The following ZNF91 variants were observed in gnomAD, a reference collection of about 807,000 sequenced individuals.
ZNF91 encodes zinc finger protein 91, also known as zinc finger protein 91 (HPF7, HTF10).
A neutral mutation model predicts 12.6 loss-of-function variants in ZNF91; 7 were observed. The ratio of observed to expected loss-of-function variants is 0.55; its 90% confidence interval spans 0.31 to 1.04. The LOEUF is 1.04. ZNF91 is among the 50% of genes least tolerant of loss of function. The probability of loss-of-function intolerance (pLI) is 0.05; values close to 1 mark genes in which losing one functional copy is unlikely to be tolerated. For synonymous variants in ZNF91, 453 were observed against 462.6 expected, an observed-to-expected ratio of 0.98 and a Z score of 0.27; for missense variants, 1,217 against 1,385.4, an observed-to-expected ratio of 0.88 and a Z score of 1.93.
intron 1 of ZNF91, among the ~76,000 whole-genome samples, chr19:23,319,810 T>A (rs1031085869): frequency 3.3e-5 from 5 of 152,206 alleles, no homozygotes; most frequent in African/African-American, 1.2e-4. Flanking sequence ...CATGAGTGAT[T>A]GTGACATATA....
intron 1 of ZNF91, 89 bp downstream of exon 1, chr19:23,395,236 A>G: frequency 4.0e-6 from 6 of 1,513,256 alleles, no homozygotes; most frequent in Non-Finnish European, 5.4e-6. Context: ...AGCTGACTGA[A>G]GGAAGGCCTG....
At chr19:23,350,085 T>C (rs933362144) in intron 3 of ZNF91, among the ~76,000 whole-genome samples, 2 of 152,142 alleles carry the variant, frequency 1.3e-5, no homozygotes, top group African/African-American at 4.8e-5. Flanking sequence ...GAAAACCAAA[T>C]GCGTGCAGCA....
chr19:23,315,611 T>A (rs1235061715), upstream of ZNF91, among the ~76,000 whole-genome samples: 3 of 151,598 alleles, frequency 2.0e-5, no homozygotes, highest in Non-Finnish European at 4.4e-5. Context: ...CAGTGGAAAT[T>A]GTGACATATT....
downstream of ZNF91, among the ~76,000 whole-genome samples, chr19:23,356,764 T>C (rs1460850417): frequency 6.6e-6 from 1 of 151,610 alleles, no homozygotes; most frequent in Admixed American, 6.6e-5. Context: ...TTTTTATAAT[T>C]ACAGACAGGC....
downstream of ZNF91, among the ~76,000 whole-genome samples, chr19:23,357,516 G>A (rs29990): frequency 0.52 from 78,671 of 152,002 alleles, 21,865 homozygotes; most frequent in East Asian, 0.84. Context: ...AAATAGTTTC[G>A]AACTTAAACA....
chr19:23,368,091 G>T (rs949537554), intron 3 of ZNF91, among the ~76,000 whole-genome samples: 2 of 151,852 alleles, frequency 1.3e-5, no homozygotes, highest in Non-Finnish European at 2.9e-5. Flanking sequence ...TGTATTTTTA[G>T]TAGAGACAGG....
intron 2 of ZNF91, 30 bp downstream of exon 2, chr19:23,374,608 T>G (rs750173339): frequency 7.3e-5 from 116 of 1,580,466 alleles, no homozygotes; most frequent in Middle Eastern, 1.7e-4. Context: ...TTAGTTTATA[T>G]TAGAAACTTA....
At chr19:23,373,874 A>G (rs773389392) in intron 2 of ZNF91, 37 bp from the exon 3 acceptor site, 11 of 1,503,240 alleles carry the variant, frequency 7.3e-6, no homozygotes, top group Non-Finnish European at 1.0e-5. Flanking sequence ...AGTCTTGCTC[A>G]TATTCTCCAC....
chr19:23,324,887 C>T (rs1316139058), intron 1 of ZNF91: 1 of 151,882 alleles, frequency 6.6e-6, no homozygotes, highest in Non-Finnish European at 1.5e-5. Flanking sequence ...TAACTATCCG[C>T]CCTTTTCATA....
intron 3 of ZNF91, among the ~76,000 whole-genome samples, chr19:23,352,635 G>C (rs192687359): frequency 7.6e-4 from 115 of 152,152 alleles, no homozygotes; most frequent in Non-Finnish European, 1.4e-3. Context: ...GAATGTAAAT[G>C]GCCTAAATAC....
intron 3 of ZNF91, among the ~76,000 whole-genome samples, chr19:23,341,243 G>GC (rs1356835176): frequency 6.6e-6 from 1 of 151,828 alleles, no homozygotes; most frequent in African/African-American, 2.4e-5. Context: ...TAGAGACGGG[G>GC]TTTCACCATA....
chr19:23,387,074 A>C (rs1392213536), intron 1 of ZNF91, among the ~76,000 whole-genome samples: 1 of 152,222 alleles, frequency 6.6e-6, no homozygotes, highest in Non-Finnish European at 1.5e-5. Flanking sequence ...TAATCATTAG[A>C]GAAATGCCAA....
chr19:23,366,521 A>T (rs1346016342), intron 3 of ZNF91, among the ~76,000 whole-genome samples: 1 of 152,224 alleles, frequency 6.6e-6, no homozygotes, highest in Non-Finnish European at 1.5e-5. Flanking sequence ...ATAATTTATT[A>T]AAAAACCAAG....
chr19:23,337,137 A>T (rs1599698294), downstream of ZNF91, among the ~76,000 whole-genome samples: 5 of 152,130 alleles, frequency 3.3e-5, no homozygotes, highest in South Asian at 1.0e-3. Context: ...ACCCCACCCT[A>T]CCTTCTTACT....
chr19:23,355,454 A>G (rs574772050), downstream of ZNF91, among the ~76,000 whole-genome samples: 4 of 152,342 alleles, frequency 2.6e-5, no homozygotes, highest in South Asian at 8.3e-4. Flanking sequence ...AACCAACTCA[A>G]GATGGATTAA....
intron 1 of ZNF91, chr19:23,385,103 T>C: frequency 1.2e-6 from 1 of 835,438 alleles, no homozygotes; most frequent in Non-Finnish European, 2.0e-6. Flanking sequence ...TCCTCCAACC[T>C]GTCCGAACAG....
chr19:23,336,883 C>T (rs1968019964), downstream of ZNF91, among the ~76,000 whole-genome samples: 2 of 152,128 alleles, frequency 1.3e-5, no homozygotes, highest in African/African-American at 4.8e-5. Flanking sequence ...CGTTCTCCTG[C>T]TTTTAACTCC....
At chr19:23,386,394 A>G (rs1969875033) in intron 1 of ZNF91, among the ~76,000 whole-genome samples, 1 of 152,226 alleles carries the variant, frequency 6.6e-6, no homozygotes, top group African/African-American at 2.4e-5. Flanking sequence ...GCATTACATT[A>G]CCTGTTTTCA....
At chr19:23,364,745 A>G (rs1217439392) in intron 3 of ZNF91, among the ~76,000 whole-genome samples, 1 of 152,186 alleles carries the variant, frequency 6.6e-6, no homozygotes, top group African/African-American at 2.4e-5. Context: ...TCAGCTACAC[A>G]GGATTAGAAA....
Sources: gnomAD v4.1 joint callset for allele counts (sites outside exome capture counted in the v4.1 genomes callset) on GRCh38, gnomAD v4.1.1 for gene constraint, MANE v1.5 for transcripts, NCBI Gene and HGNC (gene_info 2026-07-23, HGNC 2026-07-21) for gene names.